The following ARHGEF7 variants were observed in gnomAD, a reference collection of about 807,000 sequenced individuals.
ARHGEF7 encodes the protein Rho guanine nucleotide exchange factor 7.
ARHGEF7 carries 33 observed loss-of-function variants against 109.8 expected under a neutral mutation model. That is an observed-to-expected ratio of 0.30 (90% confidence interval 0.23 to 0.40). The LOEUF is 0.40. Ranked by LOEUF, ARHGEF7 falls within the 10% of genes least tolerant of loss-of-function variation. The pLI is 1.00. For synonymous variants in ARHGEF7, 458 were observed against 424.6 expected (o/e 1.08, Z -0.97); for missense variants, 938 against 1,098.5 (o/e 0.85, Z 2.07).
intron 19 of ARHGEF7, chr13:111,294,905 C>A (rs528939771): frequency 7.1e-6 from 7 of 985,756 alleles, no homozygotes; most frequent in Non-Finnish European, 8.4e-6. Context: ...ATATAATAAG[C>A]TATATTAATT....
rs115086139 is a variant in ARHGEF7 at position 111,294,661 on chromosome 13, C to G, written c.2311+2367C>G. ...GTGCCACAAGCCTGAAAAGACAGTTCTCCTGTGGCAGTGGCGATGTGGCAT... is the reference window on the plus strand; with the variant it reads ...GTGCCACAAGCCTGAAAAGACAGTTGTCCTGTGGCAGTGGCGATGTGGCAT... On this transcript the variant is annotated intron_variant, in intron 19 of 21. Coordinates refer to ENST00000646102, the MANE Select transcript of ARHGEF7 (RefSeq NM_001354046.2). 1,582 of 985,424 alleles carry G rather than the reference C, an allele frequency of 1.6e-3. 22 individuals carry two copies. The African/African-American group carries it at 0.026, about 16-fold the overall frequency. 61.0% of individuals were successfully genotyped at this position (985,424 alleles called of 1,614,324 possible). A position where few individuals can be genotyped will look rare whatever the true frequency, so the allele number is the denominator to read the frequency against.
At chr13:111,142,941 T>C (rs751000974) in intron 1 of ARHGEF7, among the ~76,000 whole-genome samples, 44 of 151,936 alleles carry the variant, frequency 2.9e-4, no homozygotes, top group Non-Finnish European at 5.9e-4. Flanking sequence ...CAAAGACTCT[T>C]GAGTGGGAAA....
At chr13:111,202,705 A>G (rs1432917429) in intron 2 of ARHGEF7, among the ~76,000 whole-genome samples, 1 of 152,204 alleles carries the variant, frequency 6.6e-6, no homozygotes, top group Non-Finnish European at 1.5e-5. Context: ...GATTTCTATA[A>G]AAGTTTTGAG....
rs1200167044 is a variant in ARHGEF7 at position 111,178,959 on chromosome 13, T to TC, written c.252+24976dup. On this transcript the variant is annotated intron_variant, in intron 2 of 21. Coordinates refer to ENST00000646102, the MANE Select transcript of ARHGEF7 (RefSeq NM_001354046.2). ...CTAGAGAGAGCCACTTAATGTGCCG[T>TC]CCCCCCCCTTTTTTTTTGTTTTGAA... is the stretch of plus-strand genomic sequence containing the variant. Among the ~76,000 whole-genome samples, 285 of 149,688 alleles carry TC rather than the reference T, an allele frequency of 1.9e-3. 1 individual carries two copies. The highest frequency in any genetic ancestry group is 3.5e-3 in the Admixed American group (53 of 15,008).
chr13:111,167,244 A>G (rs182255142), intron 2 of ARHGEF7, among the ~76,000 whole-genome samples: 1 of 152,312 alleles, frequency 6.6e-6, no homozygotes, highest in East Asian at 1.9e-4. Flanking sequence ...TCTCTGGGCT[A>G]TTTGTACGTG....
At chr13:111,295,031 G>C in intron 19 of ARHGEF7, 1 of 985,748 alleles carries the variant, frequency 1.0e-6, no homozygotes, top group East Asian at 1.1e-4. Context: ...ATTTTTAGTA[G>C]GTGACTACCA....
intron 2 of ARHGEF7, among the ~76,000 whole-genome samples, chr13:111,167,091 G>C (rs1013807597): frequency 2.0e-5 from 3 of 152,144 alleles, no homozygotes; most frequent in African/African-American, 7.2e-5. Flanking sequence ...GTAAACGGTT[G>C]GTTTGTTCTT....
chr13:111,297,123 A>G (rs1349414555), intron 19 of ARHGEF7, among the ~76,000 whole-genome samples: 1 of 152,238 alleles, frequency 6.6e-6, no homozygotes, highest in Non-Finnish European at 1.5e-5. Flanking sequence ...TTAAAGAAGT[A>G]GTCAACTTAC....
At chr13:111,269,922 C>T (rs947442117) in intron 9 of ARHGEF7, among the ~76,000 whole-genome samples, 6 of 152,176 alleles carry the variant, frequency 3.9e-5, no homozygotes, top group East Asian at 1.9e-4. Context: ...ATGTGTGTGA[C>T]GGTCTTTAAG....
At chr13:111,237,813 A>C (rs1301224799) in intron 6 of ARHGEF7, among the ~76,000 whole-genome samples, 1 of 152,262 alleles carries the variant, frequency 6.6e-6, no homozygotes, top group African/African-American at 2.4e-5. Context: ...ATGGTATTAC[A>C]AAGTTGACAT....
intron 3 of ARHGEF7, among the ~76,000 whole-genome samples, chr13:111,207,147 A>T (rs79847747): frequency 0.018 from 2,734 of 152,172 alleles, 66 homozygotes; most frequent in African/African-American, 0.06. Context: ...CTGCAAACTC[A>T]TATTCATCCA....
At chr13:111,294,578 T>G in intron 19 of ARHGEF7, 1 of 985,478 alleles carries the variant, frequency 1.0e-6, no homozygotes, top group Non-Finnish European at 1.2e-6. Context: ...ACCTTTTCTT[T>G]GCATTTGTTT....
Position 111,115,399 on chromosome 13 carries a change from C to A in ARHGEF7, c.-128C>A. ...CCGGGCCGGACCTGCTGGGCCGCGC[C>A]GAGCCAATCGCCGGCGCCGGCCGCT... On this transcript the variant is annotated 5_prime_UTR_variant, in exon 1 of 22. Coordinates refer to ENST00000646102, the MANE Select transcript of ARHGEF7 (RefSeq NM_001354046.2). 1 of 619,374 alleles carries A rather than the reference C, an allele frequency of 1.6e-6. No homozygotes were observed. The highest frequency in any genetic ancestry group is 2.0e-6 in the Non-Finnish European group (1 of 498,716). 38.4% of individuals were successfully genotyped at this position (619,374 alleles called of 1,614,324 possible).
At chr13:111,264,608 G>T (rs76012096) in intron 8 of ARHGEF7, among the ~76,000 whole-genome samples, 3,354 of 152,258 alleles carry the variant, frequency 0.022, 127 homozygotes, top group African/African-American at 0.077. Flanking sequence ...GTGAGCCCCC[G>T]CCAGTACTCT....
intron 19 of ARHGEF7, chr13:111,293,973 A>G: frequency 1.0e-6 from 1 of 985,436 alleles, no homozygotes; most frequent in Non-Finnish European, 1.2e-6. Flanking sequence ...AGCTAATGGC[A>G]CAGGAGACAT....
rs78063234 is a variant in ARHGEF7 at position 111,248,371 on chromosome 13, C to T, written c.950+4077C>T. 3.0e-3 allele frequency among the ~76,000 whole-genome samples: 463 copies of T among 152,160 alleles called. 2 individuals carry two copies. The highest frequency in any genetic ancestry group is 0.011 in the African/African-American group (443 of 41,490). ...TTTGGCATTTTGACGGTGATTATCT[C>T]GGGTGTGGTTTTCTGACTTCTCGAA... is the stretch of plus-strand genomic sequence containing the variant. On this transcript the variant is annotated intron_variant, in intron 8 of 21. Transcript: ENST00000646102.
intron 2 of ARHGEF7, among the ~76,000 whole-genome samples, chr13:111,163,240 A>T (rs1418497061): frequency 6.6e-6 from 1 of 152,270 alleles, no homozygotes; most frequent in African/African-American, 2.4e-5. Flanking sequence ...AAAGAAAGAC[A>T]GTTTCCATTC....
intron 2 of ARHGEF7, among the ~76,000 whole-genome samples, chr13:111,202,302 C>T (rs1260097129): frequency 2.0e-5 from 3 of 152,176 alleles, no homozygotes; most frequent in East Asian, 1.9e-4. Flanking sequence ...TCACCAGGAG[C>T]GCTTCTCACG....
At chr13:111,160,148 G>A (rs2076634041) in intron 2 of ARHGEF7, among the ~76,000 whole-genome samples, 1 of 152,122 alleles carries the variant, frequency 6.6e-6, no homozygotes, top group South Asian at 2.1e-4. Context: ...CTTTGTCAAA[G>A]GTCTATTGAC....
Sources: allele counts gnomAD v4.1 joint callset (sites outside exome capture counted in the v4.1 genomes callset), GRCh38; gene constraint gnomAD v4.1.1; transcripts MANE v1.5; gene names NCBI Gene and HGNC (gene_info 2026-07-23, HGNC 2026-07-21).